MLIP: variants seen among roughly 807,000 people sequenced by gnomAD.
MLIP encodes muscular LMNA interacting protein, also known as muscular LMNA-interacting protein.
Under a neutral mutation model 84.8 loss-of-function variants are expected in MLIP, and 79 were observed. That is an observed-to-expected ratio of 0.93 (90% CI 0.78 to 1.12). The LOEUF (loss-of-function observed/expected upper bound fraction) is 1.12. Ranked by LOEUF, MLIP falls within the 50% of genes most tolerant of loss-of-function variation. The probability of loss-of-function intolerance (pLI) is 0.00; values close to 1 mark genes in which losing one functional copy is unlikely to be tolerated. For missense variants in MLIP, 1,257 were observed against 1,160.6 expected (o/e 1.08, Z -1.21); for synonymous variants, 504 against 463.0 (o/e 1.09, Z -1.14).
chr6:54,121,361 T>G, intron 1 of MLIP, 86 bp from the exon 2 acceptor site: 193 of 1,383,272 alleles, frequency 1.4e-4, no homozygotes, highest in Middle Eastern at 3.6e-4. Flanking sequence ...TCAAAATAAA[T>G]GAGATAAATA....
chr6:54,143,671 G>A (rs1351249113), intron 4 of MLIP, among the ~76,000 whole-genome samples: 1 of 152,180 alleles, frequency 6.6e-6, no homozygotes, highest in Non-Finnish European at 1.5e-5. Context: ...CATGCTTGGA[G>A]TGGTGGAAGG....
chr6:54,045,076 C>T (rs187509599), intron 1 of MLIP, among the ~76,000 whole-genome samples: 467 of 152,138 alleles, frequency 3.1e-3, no homozygotes, highest in Non-Finnish European at 5.7e-3. Flanking sequence ...GGGCCCGGCA[C>T]GGTAGCTCAT....
rs1764488955 is a variant in MLIP, at chr6:54,037,099, AG to A, written c.63+18009del. 3.3e-5 allele frequency among the ~76,000 whole-genome samples: 5 copies of A among 152,126 alleles called. No individual in the cohort carries two copies. In the South Asian group the frequency reaches 1.0e-3, roughly 32 times the overall value. On this transcript the variant is annotated intron_variant, in intron 1 of 12. Transcript: ENST00000274897. ...GACTATGACTAGTCAGAGTTTGGGCAGTCAGAAGGGGTCTCTAACCATTTGT... is the reference window on the plus strand; with the variant it reads ...GACTATGACTAGTCAGAGTTTGGGCATCAGAAGGGGTCTCTAACCATTTGT...
At position 54,069,682 on chromosome 6, in the gene MLIP, A is replaced by AT. The variant is rs1264680805; in HGVS notation, c.63+50601dup. On this transcript the variant is annotated intron_variant, in intron 1 of 12. Transcript: ENST00000274897. The stretch of plus-strand genomic sequence containing the variant: ...GCAATAAAAAAAGGCAATATAGACA[A>AT]TTTTTTTTTTCTGAATATTTTTGAT... 1.7e-4 allele frequency among the ~76,000 whole-genome samples: 16 copies of AT among 96,394 alleles called. 1 individual carries two copies. Among genetic ancestry groups the AT allele is most frequent in the Admixed American group, 2.9e-4 (3 of 10,268 alleles). 63.2% of individuals were successfully genotyped at this position (96,394 alleles called of 152,430 possible). A position where few individuals can be genotyped will look rare whatever the true frequency, so the allele number is the denominator to read the frequency against.
intron 1 of MLIP, among the ~76,000 whole-genome samples, chr6:54,040,436 GA>G (rs1267973761): frequency 6.6e-6 from 1 of 151,916 alleles, no homozygotes; most frequent in Non-Finnish European, 1.5e-5. Flanking sequence ...CAAGGCTACA[GA>G]AAAAAGGGAA....
chr6:54,052,881 G>A lies in MLIP; in HGVS notation c.63+33790G>A, dbSNP rs549820738. ...GTTTATTTCAGAGGATAAAGGAATA[G>A]TGGTGAATGAGGTCTCATATTAATA... is the stretch of plus-strand genomic sequence containing the variant. On this transcript the variant is annotated intron_variant, in intron 1 of 12. Transcript: ENST00000274897. Among the ~76,000 whole-genome samples the A allele has an allele frequency of 4.6e-5, 7 of 152,274 alleles. No homozygotes were observed. In the East Asian group the frequency reaches 1.3e-3, roughly 29 times the overall value.
chr6:54,212,879 AC>A (rs1779562424), intron 11 of MLIP, among the ~76,000 whole-genome samples: 2 of 152,166 alleles, frequency 1.3e-5, no homozygotes, highest in African/African-American at 2.4e-5. Flanking sequence ...TACTTAAGTT[AC>A]CTTTTATTTC....
chr6:54,122,862 T>C (rs1770573233), intron 2 of MLIP, among the ~76,000 whole-genome samples: 1 of 152,222 alleles, frequency 6.6e-6, no homozygotes, highest in African/African-American at 2.4e-5. Context: ...CAACCACATC[T>C]TTAAAAGATT....
intron 10 of MLIP, among the ~76,000 whole-genome samples, chr6:54,192,561 T>C (rs971168112): frequency 6.6e-6 from 1 of 151,870 alleles, no homozygotes; most frequent in Non-Finnish European, 1.5e-5. Flanking sequence ...ACGAACTCTT[T>C]AAGTTCTGAA....
At chr6:54,150,494 C>T (rs907476229) in intron 5 of MLIP, among the ~76,000 whole-genome samples, 7 of 152,214 alleles carry the variant, frequency 4.6e-5, no homozygotes, top group South Asian at 2.1e-4. Context: ...TTTTGGATGG[C>T]GATTTCTGGA....
At chr6:54,198,372 T>C (rs1309849984) in intron 10 of MLIP, among the ~76,000 whole-genome samples, 1 of 152,164 alleles carries the variant, frequency 6.6e-6, no homozygotes, top group African/African-American at 2.4e-5. Flanking sequence ...CATTTGACAT[T>C]GTGAAACAAG....
At chr6:54,247,614 T>C (rs1390517845) in intron 12 of MLIP, among the ~76,000 whole-genome samples, 1 of 152,134 alleles carries the variant, frequency 6.6e-6, no homozygotes, top group African/African-American at 2.4e-5. Flanking sequence ...CTTTGAAGTG[T>C]AGTTTGAAAT....
chr6:54,031,064 T>A (rs1297182874), intron 1 of MLIP, among the ~76,000 whole-genome samples: 2 of 152,184 alleles, frequency 1.3e-5, no homozygotes, highest in Non-Finnish European at 1.5e-5. Context: ...ATCATGCATG[T>A]TGACAGAACA....
At chr6:54,089,848 A>G (rs1185390543) in intron 1 of MLIP, among the ~76,000 whole-genome samples, 1 of 152,118 alleles carries the variant, frequency 6.6e-6, no homozygotes, top group African/African-American at 2.4e-5. Context: ...TAGGCCATCA[A>G]TATATTCTCT....
At chr6:54,110,676 A>T (rs139256427), upstream of MLIP, among the ~76,000 whole-genome samples, 105 of 152,356 alleles carry the variant, frequency 6.9e-4, 1 homozygote, top group Middle Eastern at 6.8e-3. Context: ...TCCTTTGGAT[A>T]CAACACTTTT....
chr6:54,154,712 C>T (rs1182781155), intron 5 of MLIP, among the ~76,000 whole-genome samples: 1 of 151,990 alleles, frequency 6.6e-6, no homozygotes, highest in Non-Finnish European at 1.5e-5. Context: ...TCATTACTTG[C>T]TAAAATATAT....
intron 11 of MLIP, chr6:54,216,418 T>G: frequency 2.0e-6 from 2 of 985,238 alleles, no homozygotes; most frequent in Non-Finnish European, 2.4e-6. Context: ...AGCATTGTAG[T>G]CCTCTGCTGC....
chr6:54,239,150 T>C (rs1288138679), intron 12 of MLIP, among the ~76,000 whole-genome samples: 2 of 152,040 alleles, frequency 1.3e-5, no homozygotes, highest in Non-Finnish European at 2.9e-5. Flanking sequence ...AGCTTTCACT[T>C]CATAGCCAGA....
rs116055925 is a variant in MLIP, at chr6:54,059,891, A to T, written c.63+40800A>T. 7.3e-3 allele frequency among the ~76,000 whole-genome samples: 1,107 copies of T among 152,330 alleles called. 5 individuals carry two copies. The highest frequency in any genetic ancestry group is 9.8e-3 in the Non-Finnish European group (668 of 68,026). On this transcript the variant is annotated intron_variant, in intron 1 of 12. Coordinates refer to the MLIP transcript ENST00000274897. ...GGCTAAACTTAGTTTCACTTTTACAATGGTTATTTCCTTTCTAGTTCTCAA... is the reference window on the plus strand; with the variant it reads ...GGCTAAACTTAGTTTCACTTTTACATTGGTTATTTCCTTTCTAGTTCTCAA...
Sources: gnomAD v4.1 joint callset for allele counts (sites outside exome capture counted in the v4.1 genomes callset) on GRCh38, gnomAD v4.1.1 for gene constraint, MANE v1.5 for transcripts, NCBI Gene and HGNC (gene_info 2026-07-23, HGNC 2026-07-21) for gene names.